CNTN1: variants seen among roughly 807,000 people sequenced by gnomAD.
CNTN1 encodes contactin-1.
In CNTN1, 38 loss-of-function variants were observed where a neutral mutation model predicts 126.4. The observed-to-expected ratio is 0.30, with a 90% confidence interval of 0.23 to 0.39. CNTN1 has a LOEUF of 0.39. Among genes scored for constraint, CNTN1 ranks in the 10% least tolerant of loss-of-function variants. CNTN1 has a pLI of 1.00. For missense variants in CNTN1, 1,009 were observed against 1,248.4 expected, an observed-to-expected ratio of 0.81 and a Z score of 2.89; for synonymous variants, 413 against 422.6, an observed-to-expected ratio of 0.98 and a Z score of 0.28.
Position 40,964,525 on chromosome 12 carries a change from A to AGTGTGTGTGTGT in CNTN1, c.1804+5315_1804+5326dup, listed in dbSNP as rs369450437. On this transcript the variant is annotated intron_variant, in intron 15 of 23. Coordinates refer to ENST00000551295, the MANE Select transcript of CNTN1 (RefSeq NM_001843.4). Reference sequence around the variant, plus strand: ...TTTAGGTGAAAACACCGTGTAAGTGAGTGTGTGTGTGTGTGTGTGTGTGTG... The same window carrying AGTGTGTGTGTGT: ...TTTAGGTGAAAACACCGTGTAAGTGAGTGTGTGTGTGTGTGTGTGTGTGTGTGTGTGTGTGTG... Among the ~76,000 whole-genome samples, 769 of 104,810 alleles carry AGTGTGTGTGTGT rather than the reference A, an allele frequency of 7.3e-3. 9 individuals are homozygous for AGTGTGTGTGTGT. Among genetic ancestry groups the AGTGTGTGTGTGT allele is most frequent in the Non-Finnish European group, 7.5e-3 (351 of 46,732 alleles). 68.8% of individuals were successfully genotyped at this position (104,810 alleles called of 152,430 possible). A position where few individuals can be genotyped will look rare whatever the true frequency, so the allele number is the denominator to read the frequency against.
chr12:41,017,021 T>A (rs1351533993), intron 19 of CNTN1, 105 bp downstream of exon 19: 2 of 852,440 alleles, frequency 2.3e-6, no homozygotes, highest in African/African-American at 3.3e-5. Context: ...AAGACCTTTT[T>A]ATAGCATTAT....
intron 1 of CNTN1, among the ~76,000 whole-genome samples, chr12:40,805,600 C>G (rs549247661): frequency 6.6e-6 from 1 of 152,202 alleles, no homozygotes; most frequent in South Asian, 2.1e-4. Context: ...TATCTGTTAG[C>G]ATTTTAATCG....
At chr12:40,873,169 G>T (rs1248808934) in intron 1 of CNTN1, among the ~76,000 whole-genome samples, 1 of 152,072 alleles carries the variant, frequency 6.6e-6, no homozygotes, top group Non-Finnish European at 1.5e-5. Flanking sequence ...GAGGCATTAG[G>T]TAAGAAACAG....
rs1170042509 is a variant in CNTN1, at chr12:41,014,434, TC to T, written c.2184+137del. The stretch of plus-strand genomic sequence containing the variant: ...GCAAGAATATATTACTATTTTTTTT[TC>T]TTAAATGCAAATCAGATTTTATCTG... On this transcript the variant is annotated intron_variant, in intron 18 of 23. Transcript: ENST00000551295. The T allele has an allele frequency of 8.9e-6, 8 of 896,790 alleles. No individual in the cohort carries two copies. The East Asian group carries it at 2.1e-4, about 24-fold the overall frequency. The allele number at this position is 896,790 out of a possible 1,614,324, so 55.6% of individuals were successfully genotyped here.
At chr12:40,764,331 T>C (rs1938992060) in intron 1 of CNTN1, among the ~76,000 whole-genome samples, 1 of 152,028 alleles carries the variant, frequency 6.6e-6, no homozygotes, top group Non-Finnish European at 1.5e-5. Flanking sequence ...TCAACTCCAG[T>C]GAAACAAAAG....
intron 9 of CNTN1, among the ~76,000 whole-genome samples, chr12:40,935,000 A>G (rs539580708): frequency 2.0e-5 from 3 of 151,770 alleles, no homozygotes; most frequent in Non-Finnish European, 2.9e-5. Flanking sequence ...TTGCCTTTCA[A>G]CTCCATACTT....
chr12:40,697,252 A>G, intron 1 of CNTN1, among the ~76,000 whole-genome samples: 1 of 152,250 alleles, frequency 6.6e-6, no homozygotes, highest in African/African-American at 2.4e-5. Flanking sequence ...CAGTTTGGCC[A>G]TACTCTCATT....
intron 1 of CNTN1, among the ~76,000 whole-genome samples, chr12:40,738,278 GA>G (rs1440036877): frequency 1.3e-5 from 2 of 151,954 alleles, no homozygotes; most frequent in Non-Finnish European, 2.9e-5. Context: ...TGCGGGAAAA[GA>G]AAACTATTCC....
intron 15 of CNTN1, among the ~76,000 whole-genome samples, chr12:40,963,919 T>A (rs1467781865): frequency 2.0e-5 from 3 of 152,136 alleles, no homozygotes; most frequent in African/African-American, 7.2e-5. Context: ...CAGCAAGATT[T>A]ATTTTGGAAA....
chr12:40,712,834 T>G (rs1941956443), intron 1 of CNTN1, among the ~76,000 whole-genome samples: 1 of 152,128 alleles, frequency 6.6e-6, no homozygotes, highest in Non-Finnish European at 1.5e-5. Flanking sequence ...ATTTTGAAAT[T>G]TAATTCCCAA....
At chr12:40,702,155 C>T (rs1162506048) in intron 1 of CNTN1, among the ~76,000 whole-genome samples, 3 of 150,504 alleles carry the variant, frequency 2.0e-5, no homozygotes, top group East Asian at 1.9e-4. Flanking sequence ...AGCCTGTTCT[C>T]GGACTCCTGG....
At chr12:40,842,126 A>G (rs141140385) in intron 1 of CNTN1, among the ~76,000 whole-genome samples, 2 of 152,226 alleles carry the variant, frequency 1.3e-5, no homozygotes, top group African/African-American at 4.8e-5. Context: ...AGTATGGAAA[A>G]TGTGACTGGC....
At chr12:40,806,015 A>G (rs912088870) in intron 1 of CNTN1, among the ~76,000 whole-genome samples, 21 of 152,186 alleles carry the variant, frequency 1.4e-4, no homozygotes, top group African/African-American at 4.8e-4. Context: ...CGCTGACTCT[A>G]TGTGCCCTTT....
chr12:40,929,401 T>C (rs1945805763), intron 6 of CNTN1, among the ~76,000 whole-genome samples: 1 of 151,898 alleles, frequency 6.6e-6, no homozygotes, highest in Non-Finnish European at 1.5e-5. Context: ...CTTAATTATA[T>C]TTATAAAATG....
chr12:40,820,816 G>A (rs1340825244), intron 1 of CNTN1, among the ~76,000 whole-genome samples: 1 of 152,136 alleles, frequency 6.6e-6, no homozygotes, highest in Non-Finnish European at 1.5e-5. Flanking sequence ...AGATATCTCA[G>A]GTGTGCCATT....
At chr12:40,997,625 C>T (rs1057421381) in intron 17 of CNTN1, among the ~76,000 whole-genome samples, 1 of 152,062 alleles carries the variant, frequency 6.6e-6, no homozygotes, top group Non-Finnish European at 1.5e-5. Context: ...ATCTGAAGAC[C>T]TGAATTAAAG....
chr12:40,809,424 G>C (rs1315453661), intron 1 of CNTN1, among the ~76,000 whole-genome samples: 1 of 152,132 alleles, frequency 6.6e-6, no homozygotes, highest in East Asian at 1.9e-4. Flanking sequence ...GTGTCCCAAA[G>C]TATGCATATC....
intron 1 of CNTN1, among the ~76,000 whole-genome samples, chr12:40,894,441 T>A (rs1333907044): frequency 6.6e-6 from 1 of 152,160 alleles, no homozygotes; most frequent in Non-Finnish European, 1.5e-5. Context: ...ACAAATCGAC[T>A]ACAGTAACGC....
intron 16 of CNTN1, among the ~76,000 whole-genome samples, chr12:40,984,915 TAAGAG>T (rs1016366284): frequency 1.3e-5 from 2 of 152,068 alleles, no homozygotes; most frequent in African/African-American, 4.8e-5. Flanking sequence ...TTAAATAAGT[TAAGAG>T]AAGATAGAAG....
Sources: gnomAD v4.1 joint callset for allele counts (sites outside exome capture counted in the v4.1 genomes callset) on GRCh38, gnomAD v4.1.1 for gene constraint, MANE v1.5 for transcripts, NCBI Gene and HGNC (gene_info 2026-07-23, HGNC 2026-07-21) for gene names.